Variants in SLC25A43 observed in about 807,000 individuals in gnomAD.
SLC25A43 encodes solute carrier family 25, member 43.
In SLC25A43, 10 loss-of-function variants were observed where a neutral mutation model predicts 22.8. The ratio of observed to expected loss-of-function variants is 0.44; its 90% CI spans 0.27 to 0.74. The LOEUF (loss-of-function observed/expected upper bound fraction) is 0.74, where lower values mean the gene tolerates loss of function less well. Ranked by LOEUF, SLC25A43 falls within the 30% of genes least tolerant of loss-of-function variation. The pLI is 0.17. For synonymous variants in SLC25A43, 106 were observed against 121.6 expected, an observed-to-expected ratio of 0.87 and a Z score of 0.84; for missense variants, 233 against 279.1, an observed-to-expected ratio of 0.83 and a Z score of 1.18.
chrX:119,412,144 C>T (rs2147261385), intron 3 of SLC25A43, among the ~76,000 whole-genome samples: 1 of 111,274 alleles, frequency 9.0e-6, no homozygotes, highest in South Asian at 3.8e-4. Context: ...TCGCTTACCT[C>T]AGCACTAAAC....
chrX:119,426,771 C>T (rs2052509294), intron 3 of SLC25A43, among the ~76,000 whole-genome samples: 1 of 107,482 alleles, frequency 9.3e-6, no homozygotes, highest in South Asian at 4.3e-4. Flanking sequence ...TACAGTGAGC[C>T]GAGATTGCAC....
chrX:119,427,138 G>A (rs1195472968), intron 3 of SLC25A43, among the ~76,000 whole-genome samples: 2 of 110,145 alleles, frequency 1.8e-5, no homozygotes, highest in African/African-American at 6.6e-5. Flanking sequence ...AAGTTGGCAC[G>A]GCAGGCAGCA....
intron 3 of SLC25A43, among the ~76,000 whole-genome samples, chrX:119,446,628 CAA>C (rs761856501): frequency 8.0e-5 from 9 of 112,469 alleles, no homozygotes; most frequent in Non-Finnish European, 1.7e-4. Context: ...TTGTTTTCTG[CAA>C]AGATTCTACA....
intron 3 of SLC25A43, among the ~76,000 whole-genome samples, chrX:119,420,280 C>T (rs975755978): frequency 3.9e-5 from 4 of 102,949 alleles, no homozygotes; most frequent in African/African-American, 7.2e-5. Flanking sequence ...GATCTGTCTG[C>T]GTTAGATCCT....
intron 3 of SLC25A43, among the ~76,000 whole-genome samples, chrX:119,419,825 C>T (rs60343053): frequency 0.056 from 6,270 of 111,440 alleles, 169 homozygotes; most frequent in South Asian, 0.11. Context: ...CTTCCCCTCA[C>T]CCGGTTAACC....
At chrX:119,431,551 AAAAG>A (rs1463487335) in intron 3 of SLC25A43, among the ~76,000 whole-genome samples, 57 of 111,750 alleles carry the variant, frequency 5.1e-4, no homozygotes, top group Middle Eastern at 4.6e-3. Flanking sequence ...AAGAGGAAAA[AAAAG>A]AAAGAAAGAA....
intron 3 of SLC25A43, among the ~76,000 whole-genome samples, chrX:119,410,932 C>G (rs1345062473): frequency 9.1e-6 from 1 of 109,420 alleles, no homozygotes; most frequent in Admixed American, 9.8e-5. Context: ...AAAAAGAAGC[C>G]TCCAGATGAG....
At chrX:119,421,251 A>G (rs962438243) in intron 3 of SLC25A43, among the ~76,000 whole-genome samples, 1 of 111,847 alleles carries the variant, frequency 8.9e-6, no homozygotes, top group Non-Finnish European at 1.9e-5. Context: ...ACAGAAAGGA[A>G]GAAAGAGAGC....
At chrX:119,421,111 CAAAAAAAAAAAAAAAAA>C (rs55775067) in intron 3 of SLC25A43, among the ~76,000 whole-genome samples, 998 of 50,375 alleles carry the variant, frequency 0.02, 29 homozygotes, top group African/African-American at 0.067. Flanking sequence ...AACTTCATCT[CAAAAAAAAAAAAAAAAA>C]AAAAAAAAAA....
At chrX:119,449,613 C>T (rs1263718385) in intron 3 of SLC25A43, among the ~76,000 whole-genome samples, 2 of 110,063 alleles carry the variant, frequency 1.8e-5, no homozygotes, top group Admixed American at 2.0e-4. Context: ...GCCAGTAGTC[C>T]CAGCTACCAG....
chrX:119,452,297 C>G (rs1345470391), intron 4 of SLC25A43, among the ~76,000 whole-genome samples, 154 bp downstream of exon 4: 1 of 111,101 alleles, frequency 9.0e-6, no homozygotes, highest in Non-Finnish European at 1.9e-5. Flanking sequence ...GTCTGTCAGC[C>G]CCGTAGAGAG....
At chrX:119,433,804 A>G (rs1215817125) in intron 3 of SLC25A43, among the ~76,000 whole-genome samples, 1 of 111,713 alleles carries the variant, frequency 9.0e-6, no homozygotes, top group Non-Finnish European at 1.9e-5. Flanking sequence ...TAGAGCTGAA[A>G]AGTATCCAAA....
At chrX:119,431,548 A>T (rs1208094728) in intron 3 of SLC25A43, among the ~76,000 whole-genome samples, 1 of 111,541 alleles carries the variant, frequency 9.0e-6, no homozygotes, top group African/African-American at 3.2e-5. Flanking sequence ...AGAAAGAGGA[A>T]AAAAAAGAAA....
intron 2 of SLC25A43, among the ~76,000 whole-genome samples, 169 bp downstream of exon 2, chrX:119,406,870 C>T (rs1173172436): frequency 3.5e-5 from 4 of 113,033 alleles, no homozygotes; most frequent in Non-Finnish European, 7.5e-5. Context: ...CCATACACTC[C>T]ACTCCTAAAC....
chrX:119,404,843 A>T (rs1009289228), intron 1 of SLC25A43, among the ~76,000 whole-genome samples: 10 of 111,837 alleles, frequency 8.9e-5, no homozygotes, highest in Non-Finnish European at 1.5e-4. Context: ...ATTGCAAAAA[A>T]ATCTCATAAT....
chrX:119,429,200 C>T (rs999486853), intron 3 of SLC25A43, among the ~76,000 whole-genome samples: 3 of 109,751 alleles, frequency 2.7e-5, no homozygotes, highest in South Asian at 7.9e-4. Context: ...TACAGGCACA[C>T]GCCACCATGC....
At chrX:119,431,788 G>C (rs2052554110) in intron 3 of SLC25A43, among the ~76,000 whole-genome samples, 1 of 111,358 alleles carries the variant, frequency 9.0e-6, no homozygotes, top group African/African-American at 3.3e-5. Context: ...TGGCTTGCTG[G>C]CTGGGAGGGA....
At chrX:119,446,905 G>A (rs887409213) in intron 3 of SLC25A43, among the ~76,000 whole-genome samples, 3 of 112,033 alleles carry the variant, frequency 2.7e-5, no homozygotes, top group Non-Finnish European at 3.8e-5. Context: ...TTGTGAAAGA[G>A]GCCTCTTTGA....
At chrX:119,431,516 GAAAAAAA>G (rs11411959) in intron 3 of SLC25A43, among the ~76,000 whole-genome samples, 1 of 89,055 alleles carries the variant, frequency 1.1e-5, no homozygotes, top group Non-Finnish European at 2.2e-5. Context: ...GTCTCCAACA[GAAAAAAA>G]AAAAAGAAAA....
Sources: gnomAD v4.1 joint callset for allele counts (sites outside exome capture counted in the v4.1 genomes callset) on GRCh38, gnomAD v4.1.1 for gene constraint, MANE v1.5 for transcripts, NCBI Gene and HGNC (gene_info 2026-07-23, HGNC 2026-07-21) for gene names.